GRID1: variants seen among roughly 807,000 people sequenced by gnomAD.
The protein encoded by GRID1 is glutamate ionotropic receptor delta type subunit 1.
A neutral mutation model predicts 98.0 loss-of-function variants in GRID1; 28 were observed. That is an observed-to-expected ratio of 0.29 (90% CI 0.21 to 0.39). GRID1 has a LOEUF of 0.39. Ranked by LOEUF, GRID1 falls within the 10% of genes least tolerant of loss-of-function variation. The probability of loss-of-function intolerance (pLI) is 1.00; values close to 1 mark genes in which losing one functional copy is unlikely to be tolerated. For synonymous variants in GRID1, 553 were observed against 538.5 expected (o/e 1.03, Z -0.37); for missense variants, 1,111 against 1,340.5 (o/e 0.83, Z 2.67).
intron 3 of GRID1, among the ~76,000 whole-genome samples, chr10:86,181,750 G>A (rs970774162): frequency 1.3e-5 from 2 of 152,174 alleles, no homozygotes; most frequent in Non-Finnish European, 2.9e-5. Flanking sequence ...CTGATTAAGA[G>A]AGTCATGTTG....
At chr10:86,149,634 G>A (rs531133430) in intron 3 of GRID1, among the ~76,000 whole-genome samples, 2 of 152,318 alleles carry the variant, frequency 1.3e-5, no homozygotes, top group South Asian at 2.1e-4. Context: ...CGTCTACTCT[G>A]GCACTTTCGA....
chr10:85,759,920 G>A (rs926936230), intron 8 of GRID1, among the ~76,000 whole-genome samples: 1 of 152,162 alleles, frequency 6.6e-6, no homozygotes, highest in Non-Finnish European at 1.5e-5. Flanking sequence ...ATCCTGCCAT[G>A]CCAGGTAAAG....
chr10:85,742,208 ATAAAT>A (rs1362229007), intron 8 of GRID1, among the ~76,000 whole-genome samples: 2 of 152,328 alleles, frequency 1.3e-5, no homozygotes, highest in African/African-American at 2.4e-5. Flanking sequence ...GAATCAGGAA[ATAAAT>A]TAAAGAACTA....
At chr10:86,100,655 T>G (rs1176359926) in intron 4 of GRID1, among the ~76,000 whole-genome samples, 1 of 152,198 alleles carries the variant, frequency 6.6e-6, no homozygotes, top group African/African-American at 2.4e-5. Context: ...ATTGGTAATA[T>G]TCACTCCCCT....
intron 8 of GRID1, among the ~76,000 whole-genome samples, chr10:85,755,922 C>A (rs1229933119): frequency 6.6e-6 from 1 of 152,082 alleles, no homozygotes; most frequent in Non-Finnish European, 1.5e-5. Context: ...ATGTTGAGAC[C>A]CTGCCATGCG....
intron 8 of GRID1, among the ~76,000 whole-genome samples, chr10:85,846,695 A>G (rs1319683456): frequency 1.3e-5 from 2 of 152,200 alleles, no homozygotes; most frequent in Non-Finnish European, 1.5e-5. Context: ...AATATGTAAT[A>G]ATAGGAATGA....
chr10:85,784,015 C>T (rs374103702), intron 8 of GRID1, among the ~76,000 whole-genome samples: 7 of 152,260 alleles, frequency 4.6e-5, no homozygotes, highest in South Asian at 4.1e-4. Context: ...TCAGCTTCTT[C>T]GTGATTTCCT....
intron 8 of GRID1, among the ~76,000 whole-genome samples, chr10:85,839,630 C>T (rs996096617): frequency 2.6e-5 from 4 of 151,994 alleles, no homozygotes; most frequent in Admixed American, 1.3e-4. Flanking sequence ...GCAGTGTTAA[C>T]GTGAAATTTA....
At chr10:85,716,987 T>G (rs1345371803) in intron 12 of GRID1, among the ~76,000 whole-genome samples, 1 of 152,066 alleles carries the variant, frequency 6.6e-6, no homozygotes, top group Non-Finnish European at 1.5e-5. Context: ...GAGCTTTTTG[T>G]CAAAGAGTAC....
intron 8 of GRID1, among the ~76,000 whole-genome samples, chr10:85,766,477 T>A (rs1842198793): frequency 6.6e-6 from 1 of 152,020 alleles, no homozygotes; most frequent in Non-Finnish European, 1.5e-5. Flanking sequence ...CAGAGCGAGA[T>A]TTGTCTAAAA....
At chr10:86,325,410 G>A (rs914583697) in intron 2 of GRID1, among the ~76,000 whole-genome samples, 5 of 152,156 alleles carry the variant, frequency 3.3e-5, no homozygotes, top group Admixed American at 6.5e-5. Flanking sequence ...CCCAAAGCCC[G>A]TACACTCAAC....
At chr10:85,737,673 T>TATATATATATATATATATATATATATATA (rs1342754070) in intron 8 of GRID1, among the ~76,000 whole-genome samples, 1 of 113,052 alleles carries the variant, frequency 8.8e-6, no homozygotes, top group Non-Finnish European at 1.8e-5. Flanking sequence ...TATATATATA[T>TATATATATATATATATATATATATATATA]AAACATATAT....
chr10:85,827,285 AT>A (rs1842828410), intron 8 of GRID1, among the ~76,000 whole-genome samples: 1 of 152,188 alleles, frequency 6.6e-6, no homozygotes, highest in Non-Finnish European at 1.5e-5. Context: ...GAAGAACCAA[AT>A]TCATCAGATA....
chr10:85,732,150 G>A lies in GRID1; in HGVS notation c.1234-2536C>T, dbSNP rs185033398. ...GAGTGGATATTTATTTGGGGTGCCT[G>A]CATCTGCACTCCCATAACTGCTTAG... is the stretch of plus-strand genomic sequence containing the variant. On this transcript the variant is annotated intron_variant, in intron 8 of 15. Transcript: ENST00000327946. Among the ~76,000 whole-genome samples the A allele has an allele frequency of 5.3e-5, 8 of 152,274 alleles. No individual in the cohort carries two copies. In the East Asian group the frequency reaches 1.5e-3, roughly 29 times the overall value.
intron 5 of GRID1, among the ~76,000 whole-genome samples, chr10:85,915,488 C>A (rs1252278176): frequency 6.6e-6 from 1 of 151,882 alleles, no homozygotes; most frequent in Non-Finnish European, 1.5e-5. Context: ...CACATATTCA[C>A]ACATACATTT....
chr10:85,835,544 C>T (rs1842905183), intron 8 of GRID1, among the ~76,000 whole-genome samples: 1 of 152,188 alleles, frequency 6.6e-6, no homozygotes, highest in Non-Finnish European at 1.5e-5. Context: ...CCTTTGCCTT[C>T]CATCATGATT....
rs182093300 is a variant in GRID1, at chr10:86,128,812, A to G, written c.726+10007T>C. Among the ~76,000 whole-genome samples, 15 of 152,286 alleles carry G rather than the reference A, an allele frequency of 9.8e-5. No homozygotes were observed. The East Asian group carries it at 1.7e-3, about 18-fold the overall frequency. On this transcript the variant is annotated intron_variant, in intron 4 of 15. Transcript: ENST00000327946. ...CATATCTTTACATTTTCTGAGACTCATCGATCTCCCCACTCACACATCAGT... is the reference window on the plus strand; with the variant it reads ...CATATCTTTACATTTTCTGAGACTCGTCGATCTCCCCACTCACACATCAGT...
At chr10:85,739,701 G>T (rs781554585) in intron 8 of GRID1, among the ~76,000 whole-genome samples, 7 of 152,096 alleles carry the variant, frequency 4.6e-5, no homozygotes, top group African/African-American at 7.2e-5. Context: ...AAAAATTATC[G>T]ATCTCAAAGA....
intron 8 of GRID1, among the ~76,000 whole-genome samples, chr10:85,788,776 A>G (rs1176374945): frequency 6.6e-6 from 1 of 152,208 alleles, no homozygotes; most frequent in Admixed American, 6.5e-5. Context: ...GCAACTAATC[A>G]AGTCCTTCGC....
Sources: allele counts gnomAD v4.1 joint callset (sites outside exome capture counted in the v4.1 genomes callset), GRCh38; gene constraint gnomAD v4.1.1; transcripts MANE v1.5; gene names NCBI Gene and HGNC (gene_info 2026-07-23, HGNC 2026-07-21).